Variants in ELAVL4 observed in about 807,000 individuals in gnomAD.
ELAVL4 encodes the protein ELAV like RNA binding protein 4.
ELAVL4 carries 1 observed loss-of-function variant against 35.6 expected under a neutral mutation model. The observed-to-expected ratio is 0.03, with a 90% CI of 0.01 to 0.13. ELAVL4 has a LOEUF of 0.13. Among genes scored for constraint, ELAVL4 ranks in the 10% least tolerant of loss-of-function variants. ELAVL4 has a pLI of 1.00. For missense variants in ELAVL4, 267 were observed against 464.9 expected (o/e 0.57, Z 3.91); for synonymous variants, 156 against 171.0 (o/e 0.91, Z 0.69).
chr1:50,161,247 C>A (rs1485545837), intron 2 of ELAVL4, among the ~76,000 whole-genome samples: 2 of 152,018 alleles, frequency 1.3e-5, no homozygotes, highest in African/African-American at 2.4e-5. Context: ...CAAAATCATC[C>A]TCTTTTTTTT....
upstream of ELAVL4, among the ~76,000 whole-genome samples, chr1:50,103,464 A>G (rs1025064034): frequency 2.0e-5 from 3 of 152,178 alleles, no homozygotes; most frequent in Admixed American, 6.5e-5. Context: ...CAACACCACA[A>G]TTCAACAAAG....
chr1:50,174,281 A>G (rs1055123044), intron 2 of ELAVL4: 1 of 152,226 alleles, frequency 6.6e-6, no homozygotes, highest in African/African-American at 2.4e-5. Context: ...AAACCTGTTC[A>G]TGAACTAGGC....
chr1:50,118,453 G>A (rs1025786337), intron 1 of ELAVL4, among the ~76,000 whole-genome samples: 1 of 151,378 alleles, frequency 6.6e-6, no homozygotes, highest in Non-Finnish European at 1.5e-5. Context: ...CAGGATGTCA[G>A]CAGAATGCTG....
At chr1:50,071,816 G>C (rs1241918341) in intron 1 of ELAVL4, among the ~76,000 whole-genome samples, 3 of 152,102 alleles carry the variant, frequency 2.0e-5, no homozygotes. Flanking sequence ...CCCATAGGTG[G>C]AGAAATGGGA....
At chr1:50,169,858 A>G (rs867276595) in intron 2 of ELAVL4, among the ~76,000 whole-genome samples, 9 of 152,112 alleles carry the variant, frequency 5.9e-5, no homozygotes, top group African/African-American at 2.2e-4. Context: ...TACCTGTTAT[A>G]TGTATTATTT....
At chr1:50,177,222 A>C (rs1327673599) in intron 3 of ELAVL4, 30 bp downstream of exon 3, 8 of 1,545,454 alleles carry the variant, frequency 5.2e-6, no homozygotes, top group Non-Finnish European at 7.2e-6. Context: ...CTCCTGATTC[A>C]GGAGGCTCTG....
Position 50,145,146 on chromosome 1 carries a change from G to A in ELAVL4, c.199G>A (p.Gly67Arg), listed in dbSNP as rs1459326800. 3.1e-6 allele frequency: 5 copies of A among 1,613,790 alleles called. No individual in the cohort carries two copies. The highest frequency in any genetic ancestry group is 1.3e-5 in the African/African-American group (1 of 74,878). ...MTQEEFRSLF[G>R]SIGEIESCKL... Reference sequence around the variant, plus strand: ...CCAAGAAGAATTCAGGAGTCTCTTCGGGAGCATTGGTGAAATAGAATCCTG... The same window carrying A: ...CCAAGAAGAATTCAGGAGTCTCTTCAGGAGCATTGGTGAAATAGAATCCTG... The change falls in exon 2 of 7, where the codon GGG becomes AGG. Residue 67 changes from glycine to arginine, a missense_variant. Around this residue, in one of 2 missense-constraint regions of ELAVL4, gnomAD observed 216 missense variants for 409.5 expected, o/e 0.53. Coordinates refer to ENST00000371824, the MANE Select transcript of ELAVL4 (RefSeq NM_001144774.3).
chr1:50,060,838 C>A (rs1663924769), intron 1 of ELAVL4, among the ~76,000 whole-genome samples: 1 of 152,230 alleles, frequency 6.6e-6, no homozygotes, highest in African/African-American at 2.4e-5. Context: ...TGTCTGCCTA[C>A]TTCCTCTGGC....
chr1:50,110,079 T>C, intron 1 of ELAVL4: 1 of 1,358,384 alleles, frequency 7.4e-7, no homozygotes, highest in Admixed American at 1.9e-5. Context: ...TAAATCACTG[T>C]GCTGATCGTT....
intron 1 of ELAVL4, among the ~76,000 whole-genome samples, chr1:50,077,993 A>C (rs774709282): frequency 1.3e-5 from 2 of 152,152 alleles, no homozygotes; most frequent in Non-Finnish European, 2.9e-5. Context: ...ACTAGCCTAC[A>C]TGACCTTGGG....
At chr1:50,185,957 C>T (rs1681759543) in intron 3 of ELAVL4, among the ~76,000 whole-genome samples, 1 of 152,092 alleles carries the variant, frequency 6.6e-6, no homozygotes, top group African/African-American at 2.4e-5. Flanking sequence ...ACCAGATATT[C>T]CACTAACCAG....
At chr1:50,106,210 A>T, upstream of ELAVL4, 1 of 1,090,526 alleles carries the variant, frequency 9.2e-7, no homozygotes, top group Non-Finnish European at 1.3e-6. Context: ...GGTAGTTATT[A>T]ACGCTGAATT....
At chr1:50,079,594 T>A (rs1458512221) in intron 1 of ELAVL4, among the ~76,000 whole-genome samples, 2 of 151,976 alleles carry the variant, frequency 1.3e-5, no homozygotes, top group Non-Finnish European at 2.9e-5. Flanking sequence ...TCAAAGAGAG[T>A]TGACAGTTGA....
At chr1:50,057,083 T>G (rs919171826) in intron 1 of ELAVL4, among the ~76,000 whole-genome samples, 1 of 152,108 alleles carries the variant, frequency 6.6e-6, no homozygotes, top group Non-Finnish European at 1.5e-5. Flanking sequence ...GACCTTCTAG[T>G]GGAACAAGAT....
At chr1:50,155,067 C>T (rs1013271680) in intron 2 of ELAVL4, among the ~76,000 whole-genome samples, 1 of 151,354 alleles carries the variant, frequency 6.6e-6, no homozygotes, top group Non-Finnish European at 1.5e-5. Context: ...TACATGTGCA[C>T]AATATGCAGG....
At chr1:50,146,152 G>C (rs752932105) in intron 2 of ELAVL4, among the ~76,000 whole-genome samples, 4 of 130,152 alleles carry the variant, frequency 3.1e-5, no homozygotes, top group Non-Finnish European at 6.5e-5. Context: ...AACTGTCCTA[G>C]AGTTTTTTTT....
rs114097882 is a variant in ELAVL4 at position 50,194,051 on chromosome 1, G to A, written c.508+133G>A. 780 of 1,198,118 alleles carry A rather than the reference G, an allele frequency of 6.5e-4. 5 individuals are homozygous for A. In the African/African-American group the frequency reaches 0.011, roughly 16 times the overall value. 74.2% of individuals were successfully genotyped at this position (1,198,118 alleles called of 1,614,324 possible). ...GAATAGACAGATTTTTGACTTGGAA[G>A]AAAGACTTCTTATCGGTCAACTGCC... On this transcript the variant is annotated intron_variant, in intron 4 of 6. Coordinates refer to ENST00000371824, the MANE Select transcript of ELAVL4 (RefSeq NM_001144774.3).
At chr1:50,142,604 C>G (rs1021378121) in intron 1 of ELAVL4, among the ~76,000 whole-genome samples, 1 of 152,034 alleles carries the variant, frequency 6.6e-6, no homozygotes, top group Non-Finnish European at 1.5e-5. Flanking sequence ...AAAACAAAAA[C>G]AAAAAATAGT....
Position 50,117,242 on chromosome 1 carries a change from G to A in ELAVL4, c.9+8044G>A, listed in dbSNP as rs567115401. Among the ~76,000 whole-genome samples, 3 of 152,194 alleles carry A rather than the reference G, an allele frequency of 2.0e-5. No homozygotes were observed. In the South Asian group the frequency reaches 6.2e-4, roughly 32 times the overall value. On this transcript the variant is annotated intron_variant, in intron 1 of 6. Transcript: ENST00000371824. Reference sequence around the variant, plus strand: ...CTGCTTATTGTGATTAGGACCCAGAGGGCCTGTGTTCAGATGGGGCTAAAA... The same window carrying A: ...CTGCTTATTGTGATTAGGACCCAGAAGGCCTGTGTTCAGATGGGGCTAAAA...
Sources: gnomAD v4.1 joint callset for allele counts (sites outside exome capture counted in the v4.1 genomes callset) on GRCh38, gnomAD v4.1.1 for gene constraint, gnomAD v4.1.1 regional missense constraint, MANE v1.5 for transcripts, NCBI Gene and HGNC (gene_info 2026-07-23, HGNC 2026-07-21) for gene names.